The following PPM1L variants were observed in gnomAD, a reference collection of about 807,000 sequenced individuals.
The protein encoded by PPM1L is protein phosphatase, Mg2+/Mn2+ dependent 1L, also known as protein phosphatase 1L.
A neutral mutation model predicts 31.4 loss-of-function variants in PPM1L; 13 were observed. The ratio of observed to expected loss-of-function variants is 0.41; its 90% confidence interval spans 0.27 to 0.66. PPM1L has a LOEUF of 0.66. Ranked by LOEUF, PPM1L falls within the 30% of genes least tolerant of loss-of-function variation. The probability of loss-of-function intolerance (pLI) is 0.29; values close to 1 mark genes in which losing one functional copy is unlikely to be tolerated. For missense variants in PPM1L, 326 were observed against 453.7 expected (o/e 0.72, Z 2.56); for synonymous variants, 184 against 175.4 (o/e 1.05, Z -0.39).
chr3:160,892,485 G>C (rs911806641), intron 1 of PPM1L, among the ~76,000 whole-genome samples: 3 of 152,106 alleles, frequency 2.0e-5, no homozygotes, highest in African/African-American at 7.2e-5. Context: ...TTCAACATGA[G>C]ATTTGGACTG....
chr3:161,022,788 C>T (rs528341178), intron 2 of PPM1L, among the ~76,000 whole-genome samples: 6 of 151,478 alleles, frequency 4.0e-5, no homozygotes, highest in Admixed American at 1.3e-4. Context: ...CTCAGCCTCC[C>T]GAGTAGCTGG....
intron 2 of PPM1L, among the ~76,000 whole-genome samples, chr3:160,981,712 A>G (rs376265157): frequency 1.3e-5 from 2 of 150,894 alleles, no homozygotes; most frequent in South Asian, 2.1e-4. Context: ...CTCTTCTACT[A>G]TTATCACCTT....
intron 1 of PPM1L, among the ~76,000 whole-genome samples, chr3:160,757,591 T>C (rs1416635828): frequency 6.6e-6 from 1 of 152,276 alleles, no homozygotes; most frequent in Admixed American, 6.5e-5. Context: ...AGCTTGGCTC[T>C]GGTCCTTGCG....
chr3:160,764,455 TTCTCCC>T (rs1396409251), intron 1 of PPM1L, among the ~76,000 whole-genome samples: 3 of 131,820 alleles, frequency 2.3e-5, no homozygotes, highest in African/African-American at 1.1e-4. Context: ...TTTATTTTAA[TTCTCCC>T]TCTCTCTCTC....
intron 1 of PPM1L, among the ~76,000 whole-genome samples, chr3:160,767,320 A>G (rs1430041643): frequency 6.6e-6 from 1 of 150,456 alleles, no homozygotes; most frequent in African/African-American, 2.5e-5. Flanking sequence ...TGCAAACTCC[A>G]CCTCCCAGGC....
intron 2 of PPM1L, among the ~76,000 whole-genome samples, chr3:161,054,119 C>T (rs1719349119): frequency 6.6e-6 from 1 of 152,044 alleles, no homozygotes; most frequent in Non-Finnish European, 1.5e-5. Flanking sequence ...AGCCTCCCTG[C>T]ATATATGGGC....
intron 1 of PPM1L, among the ~76,000 whole-genome samples, chr3:160,816,424 A>G (rs967082876): frequency 1.3e-5 from 2 of 151,994 alleles, no homozygotes; most frequent in Non-Finnish European, 2.9e-5. Context: ...TGAAGATGCA[A>G]ATATGGCCTA....
intron 2 of PPM1L, among the ~76,000 whole-genome samples, chr3:161,007,890 G>A (rs895234578): frequency 1.3e-5 from 2 of 152,242 alleles, no homozygotes; most frequent in African/African-American, 4.8e-5. Context: ...GAAGATAGAA[G>A]TAGAAAGATG....
At chr3:160,930,975 G>A in intron 1 of PPM1L, among the ~76,000 whole-genome samples, 1 of 152,186 alleles carries the variant, frequency 6.6e-6, no homozygotes, top group East Asian at 1.9e-4. Flanking sequence ...GAGGGAAACA[G>A]TGAATTTTAA....
intron 1 of PPM1L, among the ~76,000 whole-genome samples, chr3:160,910,076 G>C (rs917761468): frequency 6.6e-6 from 1 of 152,134 alleles, no homozygotes; most frequent in Non-Finnish European, 1.5e-5. Flanking sequence ...GAAGGGTCTG[G>C]CTGTTCTGTT....
At chr3:160,972,374 AGT>A in intron 2 of PPM1L, among the ~76,000 whole-genome samples, 1 of 109,364 alleles carries the variant, frequency 9.1e-6, no homozygotes, top group Middle Eastern at 7.4e-3. Flanking sequence ...AACAGTCCCC[AGT>A]GTGTGATGTT....
chr3:161,004,788 C>T (rs1368328668), intron 2 of PPM1L, among the ~76,000 whole-genome samples: 1 of 151,542 alleles, frequency 6.6e-6, no homozygotes, highest in Non-Finnish European at 1.5e-5. Context: ...TTTCAAAAAA[C>T]CAGCTCCTGG....
At chr3:161,001,787 T>G (rs1310604860) in intron 2 of PPM1L, among the ~76,000 whole-genome samples, 1 of 152,152 alleles carries the variant, frequency 6.6e-6, no homozygotes, top group East Asian at 1.9e-4. Context: ...AGTATGAATT[T>G]ACTACAAACC....
At chr3:160,849,515 G>A (rs943363475) in intron 1 of PPM1L, among the ~76,000 whole-genome samples, 1 of 151,890 alleles carries the variant, frequency 6.6e-6, no homozygotes, top group Non-Finnish European at 1.5e-5. Context: ...CCACCTCCCG[G>A]GTTCATGCCA....
chr3:161,063,714 A>G (rs1576625717), intron 2 of PPM1L, among the ~76,000 whole-genome samples: 1 of 152,214 alleles, frequency 6.6e-6, no homozygotes, highest in Non-Finnish European at 1.5e-5. Context: ...AAAGACACAT[A>G]CATACATATG....
At chr3:160,815,808 A>G (rs1576651677) in intron 1 of PPM1L, among the ~76,000 whole-genome samples, 1 of 152,134 alleles carries the variant, frequency 6.6e-6, no homozygotes, top group East Asian at 1.9e-4. Flanking sequence ...TAAACCAAAC[A>G]TTTTACATTT....
chr3:160,947,885 A>T (rs977983050), intron 1 of PPM1L, among the ~76,000 whole-genome samples: 1 of 152,194 alleles, frequency 6.6e-6, no homozygotes, highest in Non-Finnish European at 1.5e-5. Flanking sequence ...AGAGTAAAAA[A>T]TATTATTTCC....
intron 1 of PPM1L, among the ~76,000 whole-genome samples, chr3:160,920,635 A>T (rs1267028967): frequency 7.4e-5 from 7 of 93,972 alleles, no homozygotes; most frequent in African/African-American, 2.8e-4. Context: ...ACACACACAC[A>T]CACTCACACA....
chr3:160,840,279 GT>G (rs372935409), intron 1 of PPM1L, among the ~76,000 whole-genome samples: 1 of 152,128 alleles, frequency 6.6e-6, no homozygotes, highest in African/African-American at 2.4e-5. Flanking sequence ...TGTCTAGTCA[GT>G]TTTGGGAAAT....
Sources: gnomAD v4.1 joint callset for allele counts (sites outside exome capture counted in the v4.1 genomes callset) on GRCh38, gnomAD v4.1.1 for gene constraint, MANE v1.5 for transcripts, NCBI Gene and HGNC (gene_info 2026-07-23, HGNC 2026-07-21) for gene names.